SEMA5A: variants seen among roughly 807,000 people sequenced by gnomAD.
The protein encoded by SEMA5A is semaphorin 5A, also known as semaphorin-5A.
SEMA5A carries 55 observed loss-of-function variants against 135.5 expected under a neutral mutation model. That is an observed-to-expected ratio of 0.41 (90% CI 0.33 to 0.51). The LOEUF (loss-of-function observed/expected upper bound fraction) is 0.51. Ranked by LOEUF, SEMA5A falls within the 20% of genes least tolerant of loss-of-function variation. The pLI is 0.37. For synonymous variants in SEMA5A, 580 were observed against 546.5 expected, an observed-to-expected ratio of 1.06 and a Z score of -0.85; for missense variants, 1,290 against 1,419.9, an observed-to-expected ratio of 0.91 and a Z score of 1.47.
chr5:9,311,146 C>CG (rs35266343), intron 5 of SEMA5A, among the ~76,000 whole-genome samples: 102,568 of 151,296 alleles, frequency 0.68, 37,871 homozygotes, highest in Non-Finnish European at 0.83. Flanking sequence ...TTTCGCTCAA[C>CG]GGGGGGGTCC....
intron 4 of SEMA5A, among the ~76,000 whole-genome samples, chr5:9,322,086 C>T (rs1182855193): frequency 2.0e-5 from 3 of 152,086 alleles, no homozygotes; most frequent in South Asian, 2.1e-4. Context: ...CACCTGCTTC[C>T]GGTTTTCAGG....
At chr5:9,197,744 G>GTTTGTGTGTT (rs776690154) in intron 9 of SEMA5A, among the ~76,000 whole-genome samples, 11 of 128,634 alleles carry the variant, frequency 8.6e-5, no homozygotes, top group African/African-American at 3.3e-4. Flanking sequence ...GTGTGTGTGT[G>GTTTGTGTGTT]TGTGTGTGTG....
chr5:9,345,053 C>G (rs1258729785), intron 3 of SEMA5A, among the ~76,000 whole-genome samples: 1 of 152,170 alleles, frequency 6.6e-6, no homozygotes, highest in Non-Finnish European at 1.5e-5. Context: ...TGAACCTCAC[C>G]TAACACCGGC....
chr5:9,466,933 C>G (rs2126742972), intron 1 of SEMA5A, among the ~76,000 whole-genome samples: 1 of 152,326 alleles, frequency 6.6e-6, no homozygotes, highest in South Asian at 2.1e-4. Flanking sequence ...GGAGAATGAG[C>G]TTTGGCAGTA....
At chr5:9,334,224 T>A (rs561633651) in intron 4 of SEMA5A, among the ~76,000 whole-genome samples, 35 of 152,120 alleles carry the variant, frequency 2.3e-4, no homozygotes, top group African/African-American at 8.4e-4. Context: ...GAAAAAAAAA[T>A]CGACTATTAT....
At chr5:9,365,254 A>G (rs1250721567) in intron 3 of SEMA5A, among the ~76,000 whole-genome samples, 2 of 152,216 alleles carry the variant, frequency 1.3e-5, no homozygotes, top group African/African-American at 4.8e-5. Flanking sequence ...GCTAGTAAGT[A>G]CCTCATTTGG....
chr5:9,150,469 C>T (rs556211809), intron 12 of SEMA5A, among the ~76,000 whole-genome samples: 11 of 152,022 alleles, frequency 7.2e-5, no homozygotes, highest in Non-Finnish European at 1.5e-4. Context: ...TATTAAATGG[C>T]TGTGCTAAAA....
At chr5:9,435,447 T>C (rs923079945) in intron 2 of SEMA5A, among the ~76,000 whole-genome samples, 2 of 152,204 alleles carry the variant, frequency 1.3e-5, no homozygotes, top group Admixed American at 6.5e-5. Flanking sequence ...ATTTGGGGCA[T>C]ATAAACCATG....
chr5:9,320,115 G>C (rs1314200327), intron 4 of SEMA5A, among the ~76,000 whole-genome samples: 1 of 152,022 alleles, frequency 6.6e-6, no homozygotes, highest in Non-Finnish European at 1.5e-5. Context: ...TCCTCACATG[G>C]GGGTACCACC....
At chr5:9,331,622 T>A (rs1029147202) in intron 4 of SEMA5A, among the ~76,000 whole-genome samples, 1 of 152,226 alleles carries the variant, frequency 6.6e-6, no homozygotes. Flanking sequence ...AGAGGCATTT[T>A]CTTTGTCTTG....
chr5:9,156,943 C>T (rs1742988088), intron 11 of SEMA5A, among the ~76,000 whole-genome samples: 1 of 152,194 alleles, frequency 6.6e-6, no homozygotes, highest in Admixed American at 6.5e-5. Context: ...AAGAGTGAGC[C>T]ATCTTTGATC....
chr5:9,240,560 T>TA (rs77717767), intron 5 of SEMA5A, among the ~76,000 whole-genome samples: 1,571 of 147,584 alleles, frequency 0.011, 5 homozygotes, highest in Middle Eastern at 0.017. Context: ...GACATGAAAT[T>TA]AAAAAAAAAA....
At chr5:9,408,691 C>T (rs1756991478) in intron 2 of SEMA5A, among the ~76,000 whole-genome samples, 1 of 152,174 alleles carries the variant, frequency 6.6e-6, no homozygotes, top group Non-Finnish European at 1.5e-5. Flanking sequence ...TATGAAGAAA[C>T]TGAGGCAAAG....
intron 1 of SEMA5A, among the ~76,000 whole-genome samples, chr5:9,467,734 C>T (rs1186393207): frequency 1.3e-5 from 2 of 152,084 alleles, no homozygotes; most frequent in Non-Finnish European, 2.9e-5. Context: ...AGGTGGGAGC[C>T]GGGGTGGGTG....
intron 5 of SEMA5A, among the ~76,000 whole-genome samples, chr5:9,284,391 G>A (rs949901194): frequency 5.9e-5 from 9 of 152,204 alleles, no homozygotes; most frequent in African/African-American, 1.9e-4. Flanking sequence ...GTTTCATAAT[G>A]TAAACTCAAA....
At position 9,042,405 on chromosome 5, in the gene SEMA5A, G is replaced by A. The variant is rs1736009843; in HGVS notation, c.*492C>T. ...CCACAGCTTTATCCAGATTTGGAAA[G>A]TTGGGCAATCCATGGTGAATAATTG... On this transcript the variant is annotated 3_prime_UTR_variant, in exon 23 of 23. Transcript: ENST00000382496. The A allele has an allele frequency of 6.4e-6, 1 of 156,960 alleles. No individual in the cohort carries two copies. Among genetic ancestry groups the A allele is most frequent in the African/African-American group, 2.4e-5 (1 of 41,500 alleles). 9.7% of individuals were successfully genotyped at this position (156,960 alleles called of 1,614,324 possible). A position where few individuals can be genotyped will look rare whatever the true frequency, so the allele number is the denominator to read the frequency against.
chr5:9,396,778 G>A (rs1756422817), intron 2 of SEMA5A, among the ~76,000 whole-genome samples: 1 of 152,034 alleles, frequency 6.6e-6, no homozygotes, highest in Admixed American at 6.5e-5. Flanking sequence ...ACCCTCCCTG[G>A]TCCTTCCCCA....
intron 5 of SEMA5A, among the ~76,000 whole-genome samples, chr5:9,280,390 T>G (rs2150562392): frequency 6.6e-6 from 1 of 152,272 alleles, no homozygotes; most frequent in Middle Eastern, 3.4e-3. Flanking sequence ...CTGAGCAGCA[T>G]CATTCTTCAC....
At chr5:9,447,333 G>A (rs1457279226) in intron 1 of SEMA5A, among the ~76,000 whole-genome samples, 2 of 152,150 alleles carry the variant, frequency 1.3e-5, no homozygotes, top group Non-Finnish European at 2.9e-5. Context: ...AGCCAATTGC[G>A]TTTTGCCTTG....
Sources: gnomAD v4.1 joint callset for allele counts (sites outside exome capture counted in the v4.1 genomes callset) on GRCh38, gnomAD v4.1.1 for gene constraint, MANE v1.5 for transcripts, NCBI Gene and HGNC (gene_info 2026-07-23, HGNC 2026-07-21) for gene names.